Variants in LRRC72 observed in about 807,000 individuals in gnomAD.
LRRC72 encodes the protein leucine rich repeat containing 72.
In LRRC72, 41 loss-of-function variants were observed where a neutral mutation model predicts 35.8. The ratio of observed to expected loss-of-function variants is 1.15; its 90% CI spans 0.89 to 1.49. The LOEUF is 1.49. LRRC72 is among the 40% of genes most tolerant of loss of function. The probability of loss-of-function intolerance (pLI) is 0.00; values close to 1 mark genes in which losing one functional copy is unlikely to be tolerated. For synonymous variants in LRRC72, 118 were observed against 119.2 expected (o/e 0.99, Z 0.07); for missense variants, 389 against 330.7 (o/e 1.18, Z -1.37).
chr7:16,532,402 A>C, intron 1 of LRRC72, 93 bp from the exon 2 acceptor site: 1 of 819,750 alleles, frequency 1.2e-6, no homozygotes, highest in South Asian at 1.5e-5. Flanking sequence ...CTTTCTTTTG[A>C]TCTTCTTGTA....
At chr7:16,556,683 T>G (rs1404086987) in intron 3 of LRRC72, among the ~76,000 whole-genome samples, 2 of 152,124 alleles carry the variant, frequency 1.3e-5, no homozygotes, top group African/African-American at 4.8e-5. Context: ...GAAATCTGAC[T>G]CAAAGTGCTG....
chr7:16,552,696 C>A (rs1237097923), intron 3 of LRRC72, among the ~76,000 whole-genome samples: 1 of 152,156 alleles, frequency 6.6e-6, no homozygotes. Context: ...TGAGAGATGG[C>A]AGCTCAGTTA....
chr7:16,572,465 C>G lies in LRRC72; in HGVS notation c.670+4922C>G, dbSNP rs569835058. Reference sequence around the variant, plus strand: ...AAAAGCTTATCCACCATGATCAAGCCAGCTTCATCCTTGGGATGCAAGGCT... The same window carrying G: ...AAAAGCTTATCCACCATGATCAAGCGAGCTTCATCCTTGGGATGCAAGGCT... On this transcript the variant is annotated intron_variant, in intron 7 of 8. Coordinates refer to ENST00000401542, the MANE Select transcript of LRRC72 (RefSeq NM_001195280.2). Among the ~76,000 whole-genome samples, 77 of 152,230 alleles carry G rather than the reference C, an allele frequency of 5.1e-4. No homozygotes were observed. The East Asian group carries it at 0.013, about 26-fold the overall frequency.
intron 3 of LRRC72, among the ~76,000 whole-genome samples, chr7:16,538,977 G>A (rs988477981): frequency 2.6e-5 from 4 of 152,164 alleles, no homozygotes; most frequent in Non-Finnish European, 5.9e-5. Flanking sequence ...GAAAATGGAC[G>A]AATACAGAGA....
chr7:16,574,811 A>G (rs1176621713), intron 7 of LRRC72, among the ~76,000 whole-genome samples: 2 of 151,412 alleles, frequency 1.3e-5, no homozygotes, highest in Non-Finnish European at 2.9e-5. Context: ...ATATATATAT[A>G]TATATTTTAT....
intron 7 of LRRC72, among the ~76,000 whole-genome samples, chr7:16,569,736 T>C (rs1343201577): frequency 6.6e-6 from 1 of 151,222 alleles, no homozygotes; most frequent in Non-Finnish European, 1.5e-5. Context: ...AAGCTTTTTA[T>C]TTGGGAAAAA....
chr7:16,548,687 T>C (rs73078914), intron 3 of LRRC72, among the ~76,000 whole-genome samples: 30,070 of 152,162 alleles, frequency 0.2, 3,067 homozygotes, highest in Admixed American at 0.21. Flanking sequence ...GGCTCACTCT[T>C]GACAGGCATG....
chr7:16,579,294 G>C (rs1783100189), intron 7 of LRRC72, among the ~76,000 whole-genome samples: 1 of 152,166 alleles, frequency 6.6e-6, no homozygotes, highest in Non-Finnish European at 1.5e-5. Flanking sequence ...GAAAAAGAAA[G>C]AGCCTAGGAT....
intron 1 of LRRC72, chr7:16,530,651 A>AT (rs1307871791): frequency 6.6e-6 from 1 of 152,242 alleles, no homozygotes; most frequent in African/African-American, 2.4e-5. Context: ...AGTGGGGACT[A>AT]TTTCACAACC....
In LRRC72 at chr7:16,526,878, G is replaced by A. The variant is rs957391524; in HGVS notation, c.-75G>A. On this transcript the variant is annotated 5_prime_UTR_variant, in exon 1 of 9. Coordinates refer to ENST00000401542, the MANE Select transcript of LRRC72 (RefSeq NM_001195280.2). ...AACAGAACAACGAGCTGTGCACCAAGCCAAGTCTCTCTTCGGTGCCACCGG... is the reference window on the plus strand; with the variant it reads ...AACAGAACAACGAGCTGTGCACCAAACCAAGTCTCTCTTCGGTGCCACCGG... 16 of 1,206,880 alleles carry A rather than the reference G, an allele frequency of 1.3e-5. No individual in the cohort carries two copies. In the East Asian group the frequency reaches 2.0e-4, roughly 15 times the overall value. 74.8% of individuals were successfully genotyped at this position (1,206,880 alleles called of 1,614,324 possible).
intron 4 of LRRC72, among the ~76,000 whole-genome samples, chr7:16,558,542 G>A (rs745590414): frequency 3.9e-5 from 6 of 151,914 alleles, no homozygotes; most frequent in Non-Finnish European, 5.9e-5. Flanking sequence ...CCCAGGAGGC[G>A]GAGGTTACAG....
intron 3 of LRRC72, among the ~76,000 whole-genome samples, chr7:16,541,835 C>T (rs111325476): frequency 9.2e-5 from 14 of 152,306 alleles, no homozygotes; most frequent in African/African-American, 1.4e-4. Flanking sequence ...TGCTTGAACT[C>T]GGGAGGTGGA....
chr7:16,558,556 C>G (rs1480270428), intron 4 of LRRC72, among the ~76,000 whole-genome samples: 1 of 151,796 alleles, frequency 6.6e-6, no homozygotes, highest in South Asian at 2.1e-4. Flanking sequence ...GTTACAGTGA[C>G]CCGAGATTGT....
At chr7:16,546,612 A>C (rs1782447724) in intron 3 of LRRC72, among the ~76,000 whole-genome samples, 1 of 151,954 alleles carries the variant, frequency 6.6e-6, no homozygotes, top group African/African-American at 2.4e-5. Flanking sequence ...CATTCAGCCA[A>C]GTTCTTACAG....
chr7:16,568,015 T>C (rs1487077203), intron 7 of LRRC72, among the ~76,000 whole-genome samples: 2 of 152,200 alleles, frequency 1.3e-5, no homozygotes, highest in Non-Finnish European at 2.9e-5. Context: ...GGTCATTATA[T>C]GCAAGTATAA....
In LRRC72 at chr7:16,567,459, T is replaced by C. The variant is rs1042863408; in HGVS notation, c.586T>C (p.Ser196Pro). 3 of 1,532,616 alleles carry C rather than the reference T, an allele frequency of 2.0e-6. No individual in the cohort carries two copies. Among genetic ancestry groups the C allele is most frequent in the Non-Finnish European group, 2.6e-6 (3 of 1,139,306 alleles). 94.9% of individuals were successfully genotyped at this position (1,532,616 alleles called of 1,614,324 possible). ...FNHKKAHIVQ[S>P]IAFGGKVDAS... The stretch of plus-strand genomic sequence containing the variant: ...CCATAAAAAGGCTCATATCGTTCAA[T>C]CAATAGCATTCGGAGGAAAAGTGGA... Residue 196 changes from serine to proline, a missense_variant, in exon 7 of 9, where the codon TCA (serine) becomes CCA (proline). Transcript: ENST00000401542.
chr7:16,552,989 C>T (rs369120612), intron 3 of LRRC72, among the ~76,000 whole-genome samples: 4 of 152,120 alleles, frequency 2.6e-5, no homozygotes, highest in African/African-American at 9.7e-5. Flanking sequence ...ATAATATGCT[C>T]CTTCCTAATG....
chr7:16,530,605 G>T (rs1218789982), intron 1 of LRRC72: 2 of 152,204 alleles, frequency 1.3e-5, no homozygotes, highest in Non-Finnish European at 2.9e-5. Flanking sequence ...GTATTCCATT[G>T]TGATGTCACA....
intron 6 of LRRC72, 128 bp from the exon 7 acceptor site, chr7:16,567,263 A>G: frequency 1.5e-6 from 1 of 673,534 alleles, no homozygotes; most frequent in South Asian, 3.7e-5. Context: ...TTTACAAAAC[A>G]GTTTTGACAG....
Sources: allele counts gnomAD v4.1 joint callset (sites outside exome capture counted in the v4.1 genomes callset), GRCh38; gene constraint gnomAD v4.1.1; transcripts MANE v1.5; gene names NCBI Gene and HGNC (gene_info 2026-07-23, HGNC 2026-07-21).